Variants in CR1L observed in about 807,000 individuals in gnomAD.
CR1L encodes the protein complement component receptor 1-like protein.
A neutral mutation model predicts 62.3 loss-of-function variants in CR1L; 59 were observed. The ratio of observed to expected loss-of-function variants is 0.95; its 90% CI spans 0.77 to 1.18. CR1L has a LOEUF of 1.18. CR1L is among the 50% of genes most tolerant of loss of function. The probability of loss-of-function intolerance (pLI) is 0.00; values close to 1 mark genes in which losing one functional copy is unlikely to be tolerated. For missense variants in CR1L, 700 were observed against 702.8 expected, an observed-to-expected ratio of 1.00 and a Z score of 0.04; for synonymous variants, 279 against 248.7, an observed-to-expected ratio of 1.12 and a Z score of -1.15.
intron 1 of CR1L, among the ~76,000 whole-genome samples, chr1:207,676,011 A>T (rs2102456848): frequency 6.6e-6 from 1 of 152,294 alleles, no homozygotes; most frequent in Admixed American, 6.5e-5. Flanking sequence ...GTGTACTCCC[A>T]CTGAATCTGA....
chr1:207,685,150 T>C (rs1663880278), intron 4 of CR1L, among the ~76,000 whole-genome samples: 1 of 152,208 alleles, frequency 6.6e-6, no homozygotes. Context: ...AATACACCTA[T>C]ACCTATATCT....
intron 1 of CR1L, among the ~76,000 whole-genome samples, chr1:207,662,541 C>T (rs1037842155): frequency 2.5e-4 from 38 of 152,178 alleles, no homozygotes; most frequent in Admixed American, 1.7e-3. Flanking sequence ...TCTAGTTAGA[C>T]ATTCATCTAA....
At chr1:207,696,464 G>A (rs1373913553) in intron 5 of CR1L, among the ~76,000 whole-genome samples, 1 of 152,196 alleles carries the variant, frequency 6.6e-6, no homozygotes, top group Non-Finnish European at 1.5e-5. Context: ...GCAGCCAAAA[G>A]ACAGTGCAGA....
At chr1:207,704,591 T>C (rs1291238915) in intron 9 of CR1L, among the ~76,000 whole-genome samples, 1 of 152,120 alleles carries the variant, frequency 6.6e-6, no homozygotes, top group African/African-American at 2.4e-5. Context: ...GATTAAGAAA[T>C]AGCCACAGCC....
chr1:207,696,835 A>G (rs1034322024), intron 5 of CR1L, among the ~76,000 whole-genome samples: 1 of 152,246 alleles, frequency 6.6e-6, no homozygotes, highest in African/African-American at 2.4e-5. Context: ...ATGTTGTGTG[A>G]AATAGACACT....
At chr1:207,674,991 C>T (rs1181369593) in intron 1 of CR1L, among the ~76,000 whole-genome samples, 2 of 151,928 alleles carry the variant, frequency 1.3e-5, no homozygotes, top group African/African-American at 4.8e-5. Flanking sequence ...GGGGACATAG[C>T]GTGGACTCTT....
intron 1 of CR1L, among the ~76,000 whole-genome samples, chr1:207,663,608 C>A (rs932403096): frequency 2.0e-5 from 3 of 152,212 alleles, no homozygotes; most frequent in Non-Finnish European, 2.9e-5. Context: ...GGCGATGCCT[C>A]GCCCTGCTTC....
chr1:207,685,671 C>T (rs546118849), intron 4 of CR1L, among the ~76,000 whole-genome samples: 4 of 152,316 alleles, frequency 2.6e-5, no homozygotes, highest in South Asian at 4.1e-4. Context: ...GCAACAGTTC[C>T]CACTGTCATT....
chr1:207,675,058 A>G (rs1663668586), intron 1 of CR1L, among the ~76,000 whole-genome samples: 1 of 152,178 alleles, frequency 6.6e-6, no homozygotes, highest in African/African-American at 2.4e-5. Flanking sequence ...TGCAACAAAT[A>G]TGCATTGAGT....
intron 1 of CR1L, among the ~76,000 whole-genome samples, chr1:207,666,977 C>A (rs997694001): frequency 6.6e-6 from 1 of 152,160 alleles, no homozygotes; most frequent in Non-Finnish European, 1.5e-5. Flanking sequence ...ATCTCCCATC[C>A]ATTATCTTTT....
At chr1:207,676,335 G>C (rs895375458) in intron 1 of CR1L, among the ~76,000 whole-genome samples, 3 of 152,088 alleles carry the variant, frequency 2.0e-5, no homozygotes, top group Non-Finnish European at 2.9e-5. Context: ...GGTACTGTCC[G>C]GTGGCCTGTT....
intron 1 of CR1L, among the ~76,000 whole-genome samples, chr1:207,648,162 G>A (rs1189833250): frequency 2.1e-5 from 3 of 142,162 alleles, no homozygotes; most frequent in Non-Finnish European, 3.0e-5. Context: ...GACAGAGTGA[G>A]ACCCGGTCTC....
chr1:207,696,999 A>G (rs1664109241), intron 5 of CR1L, among the ~76,000 whole-genome samples: 1 of 152,188 alleles, frequency 6.6e-6, no homozygotes. Flanking sequence ...GGCCGCTGAG[A>G]GAAGACTTGA....
intron 5 of CR1L, among the ~76,000 whole-genome samples, chr1:207,696,140 A>G (rs2102469551): frequency 6.6e-6 from 1 of 152,320 alleles, no homozygotes; most frequent in African/African-American, 2.4e-5. Context: ...GCCTGGAGGG[A>G]TGCTCAAGTG....
intron 3 of CR1L, among the ~76,000 whole-genome samples, chr1:207,683,654 GA>G (rs1454629176): frequency 6.6e-6 from 1 of 152,062 alleles, no homozygotes; most frequent in Non-Finnish European, 1.5e-5. Context: ...TGTGTCATAA[GA>G]TAATAAAAAA....
intron 4 of CR1L, among the ~76,000 whole-genome samples, chr1:207,693,439 A>G (rs1342960591): frequency 6.6e-6 from 1 of 152,154 alleles, no homozygotes; most frequent in South Asian, 2.1e-4. Flanking sequence ...TTGAATCTGT[A>G]ATCTTGCATC....
intron 4 of CR1L, among the ~76,000 whole-genome samples, chr1:207,684,828 G>T (rs76844119): frequency 2.2e-4 from 34 of 152,136 alleles, no homozygotes; most frequent in Admixed American, 2.1e-3. Flanking sequence ...GAAATGCAGT[G>T]TATAACATCT....
At chr1:207,655,492 A>T (rs1253315553) in intron 1 of CR1L, among the ~76,000 whole-genome samples, 1 of 152,150 alleles carries the variant, frequency 6.6e-6, no homozygotes, top group Non-Finnish European at 1.5e-5. Flanking sequence ...GTTTTTCCTA[A>T]GAGAGGGTAC....
intron 1 of CR1L, among the ~76,000 whole-genome samples, chr1:207,649,511 G>A (rs6667238): frequency 0.39 from 59,280 of 151,988 alleles, 11,735 homozygotes; most frequent in African/African-American, 0.42. Context: ...TTAATTTCCC[G>A]AGACACAGTA....
Sources: allele counts gnomAD v4.1 joint callset (sites outside exome capture counted in the v4.1 genomes callset), GRCh38; gene constraint gnomAD v4.1.1; transcripts MANE v1.5; gene names NCBI Gene and HGNC (gene_info 2026-07-23, HGNC 2026-07-21).